Variants in ITPR3 observed in about 807,000 individuals in gnomAD.
ITPR3 encodes inositol 1,4,5-trisphosphate receptor type 3.
A neutral mutation model predicts 293.2 loss-of-function variants in ITPR3; 173 were observed. The ratio of observed to expected loss-of-function variants is 0.59; its 90% CI spans 0.52 to 0.67. The LOEUF is 0.67. Among genes scored for constraint, ITPR3 ranks in the 30% least tolerant of loss-of-function variants. The probability of loss-of-function intolerance (pLI) is 0.00; values close to 1 mark genes in which losing one functional copy is unlikely to be tolerated. For missense variants in ITPR3, 2,796 were observed against 3,592.1 expected (o/e 0.78, Z 5.66); for synonymous variants, 1,295 against 1,444.4 (o/e 0.90, Z 2.35).
Position 33,682,327 on chromosome 6 carries a change from C to T in ITPR3, c.4477-197C>T, listed in dbSNP as rs1219105548. Among the ~76,000 whole-genome samples the T allele has an allele frequency of 2.0e-5, 3 of 152,198 alleles. No individual in the cohort carries two copies. Among genetic ancestry groups the T allele is most frequent in the African/African-American group, 4.8e-5 (2 of 41,442 alleles). ...CGGCCTTGGTGAGTTACAGGGCTGC[C>T]GTGTACAGTTGGGCAGGTCGTGCAC... is the stretch of plus-strand genomic sequence containing the variant. On this transcript the variant is annotated intron_variant, in intron 33 of 57. Coordinates refer to ENST00000605930, the MANE Select transcript of ITPR3 (RefSeq NM_002224.4). This position sits in a 1 kb window ranked among gnomAD's most constrained non-coding sequence, Gnocchi z 5.4.
At position 33,654,750 on chromosome 6, in the gene ITPR3, G is replaced by A. The variant is rs1764268214; in HGVS notation, c.161-1016G>A. On this transcript the variant is annotated intron_variant, in intron 2 of 57. Transcript: ENST00000605930. The surrounding 1 kb of genome is among the most constrained non-coding windows in gnomAD (Gnocchi z 4.1). ...AGGGACTCACACAGCTGCAGCATGA[G>A]AGGGATCTCAGGGCCACTGAGTCCT... Among the ~76,000 whole-genome samples the A allele has an allele frequency of 6.6e-6, 1 of 152,156 alleles. No homozygotes were observed. The highest frequency in any genetic ancestry group is 1.5e-5 in the Non-Finnish European group (1 of 68,032).
At position 33,691,847 on chromosome 6, in the gene ITPR3, G is replaced by T; in HGVS notation, c.7377G>T (p.Leu2459Phe). The part of the protein sequence containing the change: ...DSTERACDTL[L>F]MCIVTVMNHG... ...CAGAGCGGGCCTGTGACACTCTGTT[G>T]ATGTGCATCGTCACTGTCATGAACC... Residue 2459 changes from leucine to phenylalanine, a missense_variant, in exon 54 of 58, where the codon TTG (leucine) becomes TTT (phenylalanine). Physicochemically the swap from Leu to Phe is conservative, Grantham distance 22. Transcript: ENST00000605930. The surrounding 1 kb of genome is among the most constrained non-coding windows in gnomAD (Gnocchi z 4.9). 1 of 1,614,150 alleles carries T rather than the reference G, an allele frequency of 6.2e-7. No individual in the cohort carries two copies. Among genetic ancestry groups the T allele is most frequent in the Non-Finnish European group, 8.5e-7 (1 of 1,180,010 alleles).
In ITPR3 at chr6:33,682,422, C is replaced by T. The variant is rs1561876983; in HGVS notation, c.4477-102C>T. 1.5e-6 allele frequency: 2 copies of T among 1,356,354 alleles called. No homozygotes were observed. The highest frequency in any genetic ancestry group is 2.0e-6 in the Non-Finnish European group (2 of 1,022,836). 84.0% of individuals were successfully genotyped at this position (1,356,354 alleles called of 1,614,324 possible). A position where few individuals can be genotyped will look rare whatever the true frequency, so the allele number is the denominator to read the frequency against. On this transcript the variant is annotated intron_variant, in intron 33 of 57. Coordinates refer to ENST00000605930, the MANE Select transcript of ITPR3 (RefSeq NM_002224.4). This position sits in a 1 kb window ranked among gnomAD's most constrained non-coding sequence, Gnocchi z 5.4. ...ACATGGTGGCTAGTGAAGGCTCCGT[C>T]TCTCCACCCATGCCCATTCTGATTG...
In ITPR3 at chr6:33,663,742, C is replaced by T. The variant is rs200701659; in HGVS notation, c.1010C>T (p.Ala337Val). 559 of 1,613,808 alleles carry T rather than the reference C, an allele frequency of 3.5e-4. 4 individuals carry two copies. Among genetic ancestry groups the T allele is most frequent in the South Asian group, 2.8e-3 (259 of 91,078 alleles). ...TGATTTGGGGTCCTCATCCAGGGGG[C>T]ACAGGGCCGCACAGGCCGCAGGAAT... ...ASDPKAAGMG[A>V]QGRTGRRNAG... Residue 337 changes from alanine (A) to valine (V), a missense_variant, in exon 11 of 58, where the codon GCA becomes GTA. Physicochemically the swap from Ala to Val is moderately conservative, Grantham distance 64 (BLOSUM62 0). Around this residue, in one of 8 missense-constraint regions of ITPR3, gnomAD observed 955 missense variants for 1,180.8 expected, o/e 0.81. Coordinates refer to ENST00000605930, the MANE Select transcript of ITPR3 (RefSeq NM_002224.4).
intron 1 of ITPR3, among the ~76,000 whole-genome samples, chr6:33,628,522 C>T (rs928219017): frequency 7.2e-5 from 11 of 152,250 alleles, no homozygotes; most frequent in African/African-American, 2.2e-4. Context: ...TTTGTAGGGC[C>T]TTTCAGGCTA....
chr6:33,674,243 G>A lies in ITPR3; in HGVS notation c.3094G>A (p.Ala1032Thr), dbSNP rs1220040650. 1 of 1,614,120 alleles carries A rather than the reference G, an allele frequency of 6.2e-7. No individual in the cohort carries two copies. The highest frequency in any genetic ancestry group is 1.3e-5 in the African/African-American group (1 of 75,064). ...NMNLDRIGEQ[A>T]EAMFGVGKTS... ...GAACCTGGATCGCATCGGGGAGCAGGCGGAGGCCATGTTTGGAGTGGGGTG... is the reference window on the plus strand; with the variant it reads ...GAACCTGGATCGCATCGGGGAGCAGACGGAGGCCATGTTTGGAGTGGGGTG... Residue 1032 changes from alanine (A) to threonine (T), a missense_variant, in exon 24 of 58, where the codon GCG (alanine) becomes ACG (threonine). Transcript: ENST00000605930.
In ITPR3 at chr6:33,669,128, C is replaced by CATG. The variant is rs1764691385; in HGVS notation, c.2162_2163insTGA (p.Asp722dup). On this transcript the variant is annotated inframe_insertion, in exon 18 of 58. Transcript: ENST00000605930. ...CCAGGAGGCGCGGGCCGGCAACGCC[C>CATG]ACGACGAGAATGTGCTCAGCTACTA... is the stretch of plus-strand genomic sequence containing the variant. 1 of 1,613,918 alleles carries CATG rather than the reference C, an allele frequency of 6.2e-7. No individual in the cohort carries two copies.
chr6:33,685,751 G>A lies in ITPR3; in HGVS notation c.5591G>A (p.Gly1864Asp), dbSNP rs1293475249. Residue 1864 changes from glycine to aspartate, a missense_variant, in exon 41 of 58, where the codon GGC becomes GAC. Coordinates refer to ENST00000605930, the MANE Select transcript of ITPR3 (RefSeq NM_002224.4). ...GAACGTGTGCAGAGCAGTGAGATGG[G>A]CACATCCGTGCTCATCATGCAGCCC... is the stretch of plus-strand genomic sequence containing the variant. Reference protein sequence around the residue: ...VSERVQSSEMGTSVLIMQPIL... With the variant: ...VSERVQSSEMDTSVLIMQPIL... 3.7e-6 allele frequency: 6 copies of A among 1,605,932 alleles called. No homozygotes were observed. The highest frequency in any genetic ancestry group is 5.1e-6 in the Non-Finnish European group (6 of 1,174,510).
chr6:33,677,146 T>C, intron 27 of ITPR3, 57 bp downstream of exon 27: 2 of 1,489,846 alleles, frequency 1.3e-6, no homozygotes, highest in Non-Finnish European at 1.9e-6. Context: ...TCCTGGGGGC[T>C]CCCGCTGGCC....
intron 2 of ITPR3, among the ~76,000 whole-genome samples, chr6:33,653,992 G>T (rs1389812365): frequency 1.3e-5 from 2 of 152,238 alleles, no homozygotes; most frequent in Non-Finnish European, 2.9e-5. Context: ...TCTCTGCCGG[G>T]CGTGGTGGCT....
At chr6:33,669,257 G>C in intron 18 of ITPR3, 101 bp downstream of exon 18, 1 of 1,246,830 alleles carries the variant, frequency 8.0e-7, no homozygotes, top group South Asian at 1.5e-5. Flanking sequence ...GACAGCCTCA[G>C]GTGGGGCTCC....
intron 57 of ITPR3, 104 bp downstream of exon 57, chr6:33,695,189 G>C: frequency 7.7e-7 from 1 of 1,303,756 alleles, no homozygotes; most frequent in South Asian, 1.4e-5. Flanking sequence ...CTGGCCTCTG[G>C]CCCTGGGCCT....
Position 33,655,115 on chromosome 6 carries a change from T to A in ITPR3, c.161-651T>A, listed in dbSNP as rs1183395714. Among the ~76,000 whole-genome samples, 1 of 152,184 alleles carries A rather than the reference T, an allele frequency of 6.6e-6. No homozygotes were observed. Among genetic ancestry groups the A allele is most frequent in the Non-Finnish European group, 1.5e-5 (1 of 68,020 alleles). ...TCCTAGAAGCAGAGCCTAAGATGGG[T>A]GAATTCTTGAGGAAGTTCTCAGGAG... On this transcript the variant is annotated intron_variant, in intron 2 of 57. Coordinates refer to ENST00000605930, the MANE Select transcript of ITPR3 (RefSeq NM_002224.4). This position sits in a 1 kb window ranked among gnomAD's most constrained non-coding sequence, Gnocchi z 4.9.
intron 51 of ITPR3, among the ~76,000 whole-genome samples, chr6:33,690,540 A>G (rs932778011): frequency 6.6e-6 from 1 of 152,226 alleles, no homozygotes; most frequent in African/African-American, 2.4e-5. Context: ...CCTCACCTGT[A>G]AAATGGGGAT....
intron 2 of ITPR3, among the ~76,000 whole-genome samples, chr6:33,645,669 C>T (rs1764049758): frequency 2.0e-5 from 3 of 152,204 alleles, no homozygotes; most frequent in African/African-American, 4.8e-5. Context: ...CAGCTCCCTT[C>T]GCTCTGCCCA....
chr6:33,678,704 C>A lies in ITPR3; in HGVS notation c.3837C>A (p.Ser1279Arg). 6.2e-7 allele frequency: 1 copy of A among 1,612,994 alleles called. No homozygotes were observed. Among genetic ancestry groups the A allele is most frequent in the Non-Finnish European group, 8.5e-7 (1 of 1,179,702 alleles). Residue 1279 changes from serine (S) to arginine (R), a missense_variant, in exon 30 of 58, where the codon AGC becomes AGA. Coordinates refer to ENST00000605930, the MANE Select transcript of ITPR3 (RefSeq NM_002224.4). ...ACTATCAGCTCTGCTCCGAGATCAG[C>A]GAGCCTGTGTTGCAGCACTTCGTGC... ...LNNYQLCSEISEPVLQHFVHL... is the reference protein window; with the variant it reads ...LNNYQLCSEIREPVLQHFVHL...
rs1382066651 is a variant in ITPR3 at position 33,679,740 on chromosome 6, A to C, written c.3973-142A>C. ...TGAGACATCAGCTGGGGAACCCCCA[A>C]ATCCCAGCCAGGGGAGGGTTTTCCT... On this transcript the variant is annotated intron_variant, in intron 30 of 57. Transcript: ENST00000605930. The surrounding 1 kb of genome is among the most constrained non-coding windows in gnomAD (Gnocchi z 4.2). The C allele has an allele frequency of 8.9e-7, 1 of 1,125,006 alleles. No homozygotes were observed. The highest frequency in any genetic ancestry group is 1.6e-5 in the African/African-American group (1 of 64,230). The allele number at this position is 1,125,006 out of a possible 1,614,324, so 69.7% of individuals were successfully genotyped here. A position where few individuals can be genotyped will look rare whatever the true frequency, so the allele number is the denominator to read the frequency against.
chr6:33,691,195 C>A lies in ITPR3; in HGVS notation c.7225+86C>A. 1 of 1,316,218 alleles carries A rather than the reference C, an allele frequency of 7.6e-7. No individual in the cohort carries two copies. Among genetic ancestry groups the A allele is most frequent in the Non-Finnish European group, 1.1e-6 (1 of 930,664 alleles). 81.5% of individuals were successfully genotyped at this position (1,316,218 alleles called of 1,614,324 possible). ...CTGGCGTCAGGACCAGGACCTGCAG[C>A]GCTTACCTCACCAGGCTCCCGTCTG... On this transcript the variant is annotated intron_variant, in intron 52 of 57. Transcript: ENST00000605930. The surrounding 1 kb of genome is among the most constrained non-coding windows in gnomAD (Gnocchi z 4.9).
chr6:33,689,238 G>T lies in ITPR3; in HGVS notation c.6695G>T (p.Gly2232Val). Residue 2232 changes from glycine to valine, a missense_variant and splice_region_variant, in exon 50 of 58, where the codon GGC becomes GTC. By Grantham distance (109) the Gly-to-Val change is moderately radical. Transcript: ENST00000605930. ...TGCTCACCCTGCCCCTGGCCCCCAG[G>T]CGTGCTGGACTCCCCTCTCATCTCA... ...FYPYMEGAST[G>V]VLDSPLISLL... 1 of 1,608,706 alleles carries T rather than the reference G, an allele frequency of 6.2e-7. No homozygotes were observed.
Sources: gnomAD v4.1 joint callset for allele counts (sites outside exome capture counted in the v4.1 genomes callset) on GRCh38, gnomAD v4.1.1 for gene constraint, gnomAD v4.1.1 regional missense constraint, Gnocchi (gnomAD v3.1) non-coding constraint, MANE v1.5 for transcripts, NCBI Gene and HGNC (gene_info 2026-07-23, HGNC 2026-07-21) for gene names.